Variants in SVOPL observed in about 807,000 individuals in gnomAD.
SVOPL encodes putative transporter SVOPL.
SVOPL carries 60 observed loss-of-function variants against 61.0 expected under a neutral mutation model. The observed-to-expected ratio is 0.98, with a 90% confidence interval of 0.80 to 1.22. The LOEUF is 1.22. Among genes scored for constraint, SVOPL ranks in the 50% most tolerant of loss-of-function variants. The pLI, the probability that SVOPL is intolerant of heterozygous loss-of-function variation, is 0.00. For synonymous variants in SVOPL, 279 were observed against 250.0 expected (o/e 1.12, Z -1.09); for missense variants, 662 against 643.9 (o/e 1.03, Z -0.30).
At chr7:138,658,721 T>C (rs778569365) in intron 6 of SVOPL, among the ~76,000 whole-genome samples, 1 of 152,156 alleles carries the variant, frequency 6.6e-6, no homozygotes, top group Non-Finnish European at 1.5e-5. Flanking sequence ...CCATCAAGCA[T>C]CATTTTAAGG....
Position 138,615,560 on chromosome 7 carries a change from CAAAAAAAA to C in SVOPL, c.1353+5478_1353+5485del, listed in dbSNP as rs770404185. ...GGGTGACAGAGCGAGACTCCGTCTC[CAAAAAAAA>C]AAAAAAAAAAAAAAAAAAAAGTTTG... On this transcript the variant is annotated intron_variant, in intron 14 of 15. Coordinates refer to ENST00000674285, the MANE Select transcript of SVOPL (RefSeq NM_001139456.2). Among the ~76,000 whole-genome samples, 16 of 5,540 alleles carry C rather than the reference CAAAAAAAA, an allele frequency of 2.9e-3. 1 individual carries two copies. The highest frequency in any genetic ancestry group is 4.6e-3 in the African/African-American group (14 of 3,014). The allele number at this position is 5,540 out of a possible 152,430, so 3.6% of individuals were successfully genotyped here.
At chr7:138,632,736 C>A (rs73465676) in intron 9 of SVOPL, among the ~76,000 whole-genome samples, 36,350 of 143,214 alleles carry the variant, frequency 0.25, 4,704 homozygotes, top group Admixed American at 0.33. Flanking sequence ...AGGATGGGGG[C>A]GGGAGGAAAA....
At chr7:138,648,547 A>C (rs1230377829) in intron 8 of SVOPL, among the ~76,000 whole-genome samples, 1 of 151,278 alleles carries the variant, frequency 6.6e-6, no homozygotes, top group Non-Finnish European at 1.5e-5. Context: ...AAAAAAAAAA[A>C]AAAAAAAAAA....
At chr7:138,663,518 G>A (rs1015871817) in intron 4 of SVOPL, 12 of 1,020,786 alleles carry the variant, frequency 1.2e-5, no homozygotes, top group Non-Finnish European at 1.3e-5. Context: ...GCCACTAGAA[G>A]CAGTCTCCCT....
At chr7:138,642,863 T>G (rs1306585220) in intron 9 of SVOPL, among the ~76,000 whole-genome samples, 1 of 140,706 alleles carries the variant, frequency 7.1e-6, no homozygotes, top group Non-Finnish European at 1.5e-5. Context: ...AGAAACAAAA[T>G]TTTTAATAAT....
In SVOPL at chr7:138,627,466, A is replaced by G; in HGVS notation, c.1070-5T>C. 6.2e-7 allele frequency: 1 copy of G among 1,605,512 alleles called. No homozygotes were observed. The highest frequency in any genetic ancestry group is 8.5e-7 in the Non-Finnish European group (1 of 1,172,362). The stretch of plus-strand genomic sequence containing the variant: ...CCAGTATATTTAAAGGATTCACTAG[A>G]AAGCAAACAGTAAAGATAATTTCTG... On this transcript the variant is annotated splice_polypyrimidine_tract_variant and splice_region_variant and intron_variant, in intron 11 of 15. Transcript: ENST00000674285.
chr7:138,695,031 G>A (rs576517558), intron 1 of SVOPL, among the ~76,000 whole-genome samples: 13 of 152,222 alleles, frequency 8.5e-5, no homozygotes, highest in Admixed American at 2.6e-4. Flanking sequence ...GAGCCACCAC[G>A]CCTGGCCAAT....
At chr7:138,611,157 C>G (rs57751178) in intron 14 of SVOPL, among the ~76,000 whole-genome samples, 4,243 of 152,292 alleles carry the variant, frequency 0.028, 206 homozygotes, top group African/African-American at 0.096. Flanking sequence ...GTGGACAGAT[C>G]ACTTGAGGTT....
rs1191346542 is a variant in SVOPL at position 138,659,880 on chromosome 7, AC to A, written c.453del (p.Ser152ProfsTer7). On this transcript the variant is annotated frameshift_variant, in exon 6 of 16. Coordinates refer to ENST00000674285, the MANE Select transcript of SVOPL (RefSeq NM_001139456.2). LOFTEE classifies it high-confidence loss of function. ...VFLRTMVGCG[V>X]SGHSQGLIIK... The stretch of plus-strand genomic sequence containing the variant: ...CATATTTACCCTTGCGAGTGGCCGG[AC>A]ACACCACAGCCCACCATCGTCCGCA... The A allele has an allele frequency of 6.4e-7, 1 of 1,551,546 alleles. No homozygotes were observed.
intron 9 of SVOPL, among the ~76,000 whole-genome samples, chr7:138,641,123 T>C (rs190249821): frequency 6.0e-4 from 91 of 151,640 alleles, no homozygotes; most frequent in African/African-American, 2.1e-3. Flanking sequence ...GGATCGAGCC[T>C]GGAAGGTCAA....
chr7:138,681,138 A>G (rs1054268673), intron 1 of SVOPL, among the ~76,000 whole-genome samples: 3 of 104,368 alleles, frequency 2.9e-5, no homozygotes, highest in African/African-American at 5.7e-5. Flanking sequence ...CCTAATTTTG[A>G]ACTTGAAAGA....
intron 13 of SVOPL, among the ~76,000 whole-genome samples, chr7:138,623,353 C>T (rs908828070): frequency 1.3e-5 from 2 of 152,262 alleles, no homozygotes; most frequent in East Asian, 3.9e-4. Flanking sequence ...GTAATCCGAG[C>T]ACTTTGGGAG....
intron 13 of SVOPL, 69 bp downstream of exon 13, chr7:138,625,900 C>T: frequency 7.3e-6 from 11 of 1,510,572 alleles, no homozygotes; most frequent in Non-Finnish European, 1.0e-5. Flanking sequence ...CATGCATTAC[C>T]TTTGGATGGA....
chr7:138,629,159 A>G (rs201550290), intron 10 of SVOPL, among the ~76,000 whole-genome samples: 3 of 54,958 alleles, frequency 5.5e-5, no homozygotes. Context: ...GTGTGTATAT[A>G]TGTATATATA....
intron 14 of SVOPL, among the ~76,000 whole-genome samples, chr7:138,609,375 G>C (rs544548361): frequency 1.3e-5 from 2 of 151,538 alleles, no homozygotes; most frequent in African/African-American, 4.9e-5. Context: ...AGCTGGGCCC[G>C]ATGGCTCACG....
At chr7:138,609,562 G>T (rs193135826) in intron 14 of SVOPL, among the ~76,000 whole-genome samples, 97 of 151,922 alleles carry the variant, frequency 6.4e-4, no homozygotes, top group African/African-American at 2.1e-3. Flanking sequence ...AGGAGACTGA[G>T]ATAGGAGGAT....
rs184713390 is a variant in SVOPL, at chr7:138,655,462, G to A, written c.534+986C>T. 1.1e-4 allele frequency among the ~76,000 whole-genome samples: 17 copies of A among 151,982 alleles called. No individual in the cohort carries two copies. The South Asian group carries it at 1.3e-3, about 11-fold the overall frequency. ...AGAGGTTGTAGTGAGCCAAGATGGCGCCATTCCACTCCATCCTGGGCAACA... is the reference window on the plus strand; with the variant it reads ...AGAGGTTGTAGTGAGCCAAGATGGCACCATTCCACTCCATCCTGGGCAACA... On this transcript the variant is annotated intron_variant, in intron 7 of 15. Coordinates refer to ENST00000674285, the MANE Select transcript of SVOPL (RefSeq NM_001139456.2).
chr7:138,644,902 C>G (rs1390816257), intron 8 of SVOPL, 57 bp from the exon 9 acceptor site: 1 of 1,608,236 alleles, frequency 6.2e-7, no homozygotes, highest in Non-Finnish European at 8.5e-7. Flanking sequence ...CCCAGGGGTA[C>G]AGCTATTATT....
chr7:138,651,760 T>C (rs989970340), intron 7 of SVOPL, among the ~76,000 whole-genome samples: 1 of 152,296 alleles, frequency 6.6e-6, no homozygotes, highest in Non-Finnish European at 1.5e-5. Context: ...TGGAGTCTCA[T>C]GGCTCCACTT....
Sources: allele counts gnomAD v4.1 joint callset (sites outside exome capture counted in the v4.1 genomes callset), GRCh38; gene constraint gnomAD v4.1.1; transcripts MANE v1.5; gene names NCBI Gene and HGNC (gene_info 2026-07-23, HGNC 2026-07-21).